RIMS1: variants seen among roughly 807,000 people sequenced by gnomAD.
The protein encoded by RIMS1 is regulating synaptic membrane exocytosis 1.
In RIMS1, 83 loss-of-function variants were observed where a neutral mutation model predicts 214.1. That is an observed-to-expected ratio of 0.39 (90% CI 0.32 to 0.47). The LOEUF (loss-of-function observed/expected upper bound fraction) is 0.47, where lower values mean the gene tolerates loss of function less well. Ranked by LOEUF, RIMS1 falls within the 20% of genes least tolerant of loss-of-function variation. The probability of loss-of-function intolerance (pLI) is 0.99; values close to 1 mark genes in which losing one functional copy is unlikely to be tolerated. For missense variants in RIMS1, 2,050 were observed against 2,161.8 expected, an observed-to-expected ratio of 0.95 and a Z score of 1.03; for synonymous variants, 793 against 786.8, an observed-to-expected ratio of 1.01 and a Z score of -0.13.
chr6:72,270,660 A>G (rs940591789), intron 22 of RIMS1, among the ~76,000 whole-genome samples: 6 of 152,202 alleles, frequency 3.9e-5, no homozygotes, highest in African/African-American at 1.4e-4. Flanking sequence ...AGCCAGATTC[A>G]CTGAGCCACA....
intron 6 of RIMS1, among the ~76,000 whole-genome samples, chr6:72,221,388 C>A (rs2058395127): frequency 6.6e-6 from 1 of 150,724 alleles, no homozygotes; most frequent in African/African-American, 2.4e-5. Flanking sequence ...CATAGAACTT[C>A]TTGGTAATAA....
chr6:72,184,340 A>G (rs937783863), intron 6 of RIMS1, among the ~76,000 whole-genome samples: 1 of 152,234 alleles, frequency 6.6e-6, no homozygotes, highest in African/African-American at 2.4e-5. Flanking sequence ...TTCAAGATAA[A>G]TTCAACCAGT....
At chr6:72,343,492 C>CTTTTTTTTTTTTTTTTTTTTT (rs764125827) in intron 29 of RIMS1, among the ~76,000 whole-genome samples, 39 of 57,258 alleles carry the variant, frequency 6.8e-4, no homozygotes, top group East Asian at 9.0e-4. Flanking sequence ...TCTTCTTCTT[C>CTTTTTTTTTTTTTTTTTTTTT]TTTTTTTTTT....
At chr6:71,972,581 C>T (rs1419310308) in intron 2 of RIMS1, among the ~76,000 whole-genome samples, 13 of 152,108 alleles carry the variant, frequency 8.5e-5, no homozygotes, top group Admixed American at 7.2e-4. Flanking sequence ...GTTAAAATGT[C>T]ACTCAGTCAT....
At position 72,259,091 on chromosome 6, in the gene RIMS1, G is replaced by A; in HGVS notation, c.3033G>A (p.Gln1011=). ...ATAGAACCAGAGATGTGGATAGTCA[G>A]TATTTATCAGAACAAGACAGGTATT... ...VDHRTRDVDS[Q]YLSEQDSELL... The change falls in exon 18 of 34, where the codon CAG becomes CAA. Residue 1011 remains glutamine, a synonymous_variant. Coordinates refer to ENST00000521978, the MANE Select transcript of RIMS1 (RefSeq NM_014989.7). The A allele has an allele frequency of 6.2e-7, 1 of 1,612,466 alleles. No homozygotes were observed. Among genetic ancestry groups the A allele is most frequent in the Non-Finnish European group, 8.5e-7 (1 of 1,178,858 alleles).
chr6:72,394,436 A>T (rs896369635), intron 31 of RIMS1, among the ~76,000 whole-genome samples: 1 of 152,170 alleles, frequency 6.6e-6, no homozygotes, highest in Non-Finnish European at 1.5e-5. Context: ...GAATGGGATG[A>T]CAGAAATTGT....
At chr6:72,229,360 A>T (rs2061271853) in intron 6 of RIMS1, among the ~76,000 whole-genome samples, 1 of 151,930 alleles carries the variant, frequency 6.6e-6, no homozygotes, top group Non-Finnish European at 1.5e-5. Context: ...AAGATAATTT[A>T]TGTAAATTTT....
intron 22 of RIMS1, among the ~76,000 whole-genome samples, chr6:72,273,509 A>G (rs1406669901): frequency 6.6e-6 from 1 of 152,148 alleles, no homozygotes; most frequent in Non-Finnish European, 1.5e-5. Flanking sequence ...CTGTGCACAG[A>G]CAGAATCTAA....
At chr6:72,012,044 G>A (rs1157447569) in intron 2 of RIMS1, among the ~76,000 whole-genome samples, 7 of 151,998 alleles carry the variant, frequency 4.6e-5, no homozygotes, top group South Asian at 2.1e-4. Context: ...TGTTTATTGC[G>A]GCACTATTCA....
chr6:72,143,838 C>T (rs2042374948), intron 4 of RIMS1, among the ~76,000 whole-genome samples: 1 of 152,134 alleles, frequency 6.6e-6, no homozygotes, highest in Admixed American at 6.5e-5. Flanking sequence ...CAACAAATGA[C>T]ACATTACTGC....
intron 27 of RIMS1, among the ~76,000 whole-genome samples, chr6:72,312,646 A>C (rs573561425): frequency 1.5e-3 from 230 of 152,254 alleles, no homozygotes; most frequent in Non-Finnish European, 2.3e-3. Context: ...AGGATCCAGT[A>C]TTCTACTTTT....
At chr6:72,019,151 A>G (rs1813751383) in intron 2 of RIMS1, among the ~76,000 whole-genome samples, 1 of 151,714 alleles carries the variant, frequency 6.6e-6, no homozygotes, top group South Asian at 2.1e-4. Context: ...AGGTATGATA[A>G]CTCCAAACCC....
At chr6:71,895,729 TCTAGCTG>T (rs2308058) in intron 1 of RIMS1, among the ~76,000 whole-genome samples, 130,037 of 147,744 alleles carry the variant, frequency 0.88, 57,484 homozygotes, top group East Asian at 0.99. Context: ...TGATAGGATG[TCTAGCTG>T]CTAGCTGTTT....
intron 23 of RIMS1, among the ~76,000 whole-genome samples, chr6:72,275,939 G>A (rs1042639753): frequency 3.3e-5 from 5 of 152,206 alleles, no homozygotes; most frequent in Non-Finnish European, 7.3e-5. Context: ...AGGCATGGTA[G>A]CTCACACTTG....
At chr6:71,950,161 T>C (rs1789011240) in intron 1 of RIMS1, among the ~76,000 whole-genome samples, 1 of 152,118 alleles carries the variant, frequency 6.6e-6, no homozygotes, top group Non-Finnish European at 1.5e-5. Flanking sequence ...AGGGCAACAT[T>C]ATAGAGATGA....
chr6:72,286,407 T>C (rs954047732), intron 24 of RIMS1, among the ~76,000 whole-genome samples: 1 of 152,156 alleles, frequency 6.6e-6, no homozygotes, highest in Non-Finnish European at 1.5e-5. Flanking sequence ...TAAACACAAA[T>C]CCTCCAATCA....
chr6:72,193,160 G>T (rs1471004636), intron 6 of RIMS1, among the ~76,000 whole-genome samples: 2 of 152,204 alleles, frequency 1.3e-5, no homozygotes, highest in Admixed American at 1.3e-4. Context: ...TGGTGGCATG[G>T]GTAGTTGGAG....
At chr6:72,048,853 ACC>A (rs1823808220) in intron 2 of RIMS1, among the ~76,000 whole-genome samples, 1 of 152,220 alleles carries the variant, frequency 6.6e-6, no homozygotes, top group South Asian at 2.1e-4. Context: ...TATAAGCCCT[ACC>A]ATGTGTTGGC....
In RIMS1 at chr6:72,027,104, T is replaced by C. The variant is rs553462769; in HGVS notation, c.245+58041T>C. ...TAATATATTAATATTGGCAAAATTA[T>C]TTGGACAGGCAAGACTTTTTTTATT... On this transcript the variant is annotated intron_variant, in intron 2 of 33. Transcript: ENST00000521978. Among the ~76,000 whole-genome samples, 3 of 152,240 alleles carry C rather than the reference T, an allele frequency of 2.0e-5. No homozygotes were observed. The East Asian group carries it at 5.8e-4, about 29-fold the overall frequency.
Sources: gnomAD v4.1 joint callset for allele counts (sites outside exome capture counted in the v4.1 genomes callset) on GRCh38, gnomAD v4.1.1 for gene constraint, MANE v1.5 for transcripts, NCBI Gene and HGNC (gene_info 2026-07-23, HGNC 2026-07-21) for gene names.